SUGCT: variants seen among roughly 807,000 people sequenced by gnomAD.
SUGCT encodes the protein succinyl-CoA:glutarate-CoA transferase.
SUGCT carries 41 observed loss-of-function variants against 55.0 expected under a neutral mutation model. That is an observed-to-expected ratio of 0.74 (90% confidence interval 0.58 to 0.97). The LOEUF is 0.97. Among genes scored for constraint, SUGCT ranks in the 50% least tolerant of loss-of-function variants. SUGCT has a pLI of 0.00. For synonymous variants in SUGCT, 187 were observed against 200.4 expected (o/e 0.93, Z 0.56); for missense variants, 568 against 547.8 (o/e 1.04, Z -0.37).
chr7:40,255,006 C>T (rs1584477000), intron 7 of SUGCT, among the ~76,000 whole-genome samples: 1 of 151,010 alleles, frequency 6.6e-6, no homozygotes, highest in East Asian at 2.0e-4. Flanking sequence ...GGGGGAGCAT[C>T]ATCTGAGGTC....
At chr7:40,496,173 A>G (rs1484866227) in intron 11 of SUGCT, 111 bp from the exon 12 acceptor site, 8 of 667,352 alleles carry the variant, frequency 1.2e-5, no homozygotes. Context: ...AAGAAAGACT[A>G]GGAAACATAG....
At chr7:40,970,873 A>T in the SUGCT span, among the ~76,000 whole-genome samples, 1 of 152,100 alleles carries the variant, frequency 6.6e-6, no homozygotes. Flanking sequence ...CCAGCAGGTG[A>T]CTTTACATGC....
intron 12 of SUGCT, among the ~76,000 whole-genome samples, chr7:40,503,690 AT>A (rs1792427319): frequency 6.6e-6 from 1 of 152,276 alleles, no homozygotes; most frequent in South Asian, 2.1e-4. Flanking sequence ...ACTGTAGACT[AT>A]TTTTAATTAA....
chr7:40,691,794 CCTT>C (rs1784712033), intron 12 of SUGCT, among the ~76,000 whole-genome samples: 1 of 152,052 alleles, frequency 6.6e-6, no homozygotes, highest in African/African-American at 2.4e-5. Context: ...TCAACAACCG[CCTT>C]CTTCTTTTCT....
intron 7 of SUGCT, among the ~76,000 whole-genome samples, chr7:40,258,545 A>G (rs1790984205): frequency 6.6e-6 from 1 of 152,068 alleles, no homozygotes; most frequent in African/African-American, 2.4e-5. Flanking sequence ...TCTCCAGCTA[A>G]TTATTGTGGT....
chr7:40,496,279 CT>C lies in SUGCT; in HGVS notation c.987-3del. On this transcript the variant is annotated splice_region_variant and splice_polypyrimidine_tract_variant and intron_variant, in intron 11 of 13. Transcript: ENST00000335693. ...TAAAAAATTTATCCTTGTTTGTCTT[CT>C]TAGGTTTGAAGAAGAACTGACCAGC... The C allele has an allele frequency of 6.2e-7, 1 of 1,604,632 alleles. No homozygotes were observed. The highest frequency in any genetic ancestry group is 8.5e-7 in the Non-Finnish European group (1 of 1,173,524).
chr7:40,318,689 G>A (rs551920827), intron 9 of SUGCT, among the ~76,000 whole-genome samples: 7 of 152,234 alleles, frequency 4.6e-5, no homozygotes, highest in South Asian at 2.1e-4. Flanking sequence ...CACCTGCCTC[G>A]TCCTCCCAAA....
At chr7:40,637,832 A>G (rs1277945435) in intron 12 of SUGCT, among the ~76,000 whole-genome samples, 1 of 152,254 alleles carries the variant, frequency 6.6e-6, no homozygotes, top group Non-Finnish European at 1.5e-5. Context: ...ATTTTTTAGT[A>G]TGAAAGGTTT....
chr7:40,502,828 G>A (rs886239694), intron 12 of SUGCT, among the ~76,000 whole-genome samples: 1 of 151,978 alleles, frequency 6.6e-6, no homozygotes, highest in Non-Finnish European at 1.5e-5. Flanking sequence ...ATTTTCATTT[G>A]TTAGCCTCCA....
At chr7:40,329,253 AT>A (rs2151142612) in intron 9 of SUGCT, among the ~76,000 whole-genome samples, 1 of 152,312 alleles carries the variant, frequency 6.6e-6, no homozygotes, top group South Asian at 2.1e-4. Flanking sequence ...TAATATAACA[AT>A]GGTAGAAAGC....
At chr7:40,428,223 A>G (rs898734689) in intron 9 of SUGCT, among the ~76,000 whole-genome samples, 1 of 152,128 alleles carries the variant, frequency 6.6e-6, no homozygotes, top group Non-Finnish European at 1.5e-5. Flanking sequence ...TTTGCATGAA[A>G]TTCCTTTCTT....
Position 40,623,660 on chromosome 7 carries a change from ATAATCT to A in SUGCT, c.1090-125770_1090-125765del, listed in dbSNP as rs945903720. 3.4e-3 allele frequency among the ~76,000 whole-genome samples: 520 copies of A among 152,286 alleles called. 3 individuals are homozygous for A. The highest frequency in any genetic ancestry group is 0.012 in the African/African-American group (496 of 41,558). On this transcript the variant is annotated intron_variant, in intron 12 of 13. Coordinates refer to ENST00000335693, the MANE Select transcript of SUGCT (RefSeq NM_001193313.2). ...CGTTAGAAGATTATTTACTCAGATA[ATAATCT>A]TAAACTTGCCTTTTAAGTTTTAGGA...
At chr7:40,576,659 T>C (rs1796783512) in intron 12 of SUGCT, among the ~76,000 whole-genome samples, 1 of 152,222 alleles carries the variant, frequency 6.6e-6, no homozygotes, top group East Asian at 1.9e-4. Context: ...GTCTTTGATT[T>C]GTATAGGCAA....
At chr7:40,153,613 C>G (rs564311617) in intron 1 of SUGCT, 5 of 520,880 alleles carry the variant, frequency 9.6e-6, no homozygotes. Context: ...GGTCTGCTAC[C>G]TTATGTTATA....
chr7:40,552,294 C>T (rs1239492199), intron 12 of SUGCT, among the ~76,000 whole-genome samples: 1 of 152,150 alleles, frequency 6.6e-6, no homozygotes, highest in South Asian at 2.1e-4. Context: ...ATGAGAGGCC[C>T]CTCTGCCCTC....
rs1391215135 is a variant in SUGCT, at chr7:40,182,016, G to A, written c.214G>A (p.Val72Met). ...AGATCTTGGAGCAGAAGTTATAAAAGTGGAGAGACCAGGTAAAGCTATTAC... is the reference window on the plus strand; with the variant it reads ...AGATCTTGGAGCAGAAGTTATAAAAATGGAGAGACCAGGTAAAGCTATTAC... ...LGDLGAEVIK[V>M]ERPGAGDDTR... is the part of the protein sequence containing the mutation. Residue 72 changes from valine to methionine, a missense_variant, in exon 3 of 14, where the codon GTG (valine) becomes ATG (methionine). Coordinates refer to ENST00000335693, the MANE Select transcript of SUGCT (RefSeq NM_001193313.2). The A allele has an allele frequency of 1.3e-6, 2 of 1,594,626 alleles. No individual in the cohort carries two copies. The highest frequency in any genetic ancestry group is 1.1e-5 in the South Asian group (1 of 88,470).
intron 9 of SUGCT, among the ~76,000 whole-genome samples, chr7:40,423,901 A>G (rs923083974): frequency 6.6e-6 from 1 of 152,110 alleles, no homozygotes; most frequent in African/African-American, 2.4e-5. Flanking sequence ...ACAACTGGCC[A>G]TATATTATTT....
chr7:40,161,997 AG>A (rs773584958), intron 1 of SUGCT, among the ~76,000 whole-genome samples: 2 of 151,932 alleles, frequency 1.3e-5, no homozygotes, highest in Non-Finnish European at 2.9e-5. Flanking sequence ...CCCGGGTTCA[AG>A]CCATTCTCCT....
At chr7:40,898,981 C>T in the SUGCT span, among the ~76,000 whole-genome samples, 1 of 151,986 alleles carries the variant, frequency 6.6e-6, no homozygotes, top group Admixed American at 6.5e-5. Context: ...CTCCTTGGGG[C>T]TGGGGAGGGG....
Sources: allele counts gnomAD v4.1 joint callset (sites outside exome capture counted in the v4.1 genomes callset), GRCh38; gene constraint gnomAD v4.1.1; transcripts MANE v1.5; gene names NCBI Gene and HGNC (gene_info 2026-07-23, HGNC 2026-07-21).